The following ANO3 variants were observed in gnomAD, a reference collection of about 807,000 sequenced individuals.
ANO3 encodes anoctamin 3.
A neutral mutation model predicts 144.8 loss-of-function variants in ANO3; 99 were observed. That is an observed-to-expected ratio of 0.68 (90% CI 0.58 to 0.81). The LOEUF is 0.81. Ranked by LOEUF, ANO3 falls within the 30% of genes least tolerant of loss-of-function variation. The pLI is 0.00. For synonymous variants in ANO3, 414 were observed against 392.6 expected (o/e 1.05, Z -0.64); for missense variants, 905 against 1,202.2 (o/e 0.75, Z 3.66).
intron 1 of ANO3, among the ~76,000 whole-genome samples, chr11:26,311,995 C>T (rs893207411): frequency 4.6e-5 from 7 of 152,136 alleles, no homozygotes; most frequent in African/African-American, 7.2e-5. Flanking sequence ...TCTATCCCTC[C>T]GCTCTCCCCC....
At chr11:26,367,814 AG>A (rs1856135534) in intron 1 of ANO3, among the ~76,000 whole-genome samples, 1 of 152,180 alleles carries the variant, frequency 6.6e-6, no homozygotes. Context: ...CACAAGGGGA[AG>A]GGGAAACAGA....
At chr11:26,261,526 C>T (rs1329500450) in intron 1 of ANO3, among the ~76,000 whole-genome samples, 1 of 152,146 alleles carries the variant, frequency 6.6e-6, no homozygotes, top group African/African-American at 2.4e-5. Context: ...AAATTTCCTC[C>T]CTTTCAGAGG....
intron 4 of ANO3, among the ~76,000 whole-genome samples, chr11:26,470,297 A>G (rs568577648): frequency 6.6e-6 from 1 of 151,844 alleles, no homozygotes; most frequent in African/African-American, 2.4e-5. Flanking sequence ...CTGTAGTCCC[A>G]ACTACTCGGG....
chr11:26,564,724 CACACACACATATATAT>C (rs1312866443), intron 14 of ANO3, among the ~76,000 whole-genome samples: 52 of 57,330 alleles, frequency 9.1e-4, no homozygotes, highest in African/African-American at 3.1e-3. Flanking sequence ...CACACACACA[CACACACACATATATAT>C]ATATATATAT....
rs1861750546 is a variant in ANO3, at chr11:26,513,585, C to A, written c.592-3242C>A. On this transcript the variant is annotated intron_variant, in intron 5 of 26. Coordinates refer to ENST00000256737, the MANE Select transcript of ANO3 (RefSeq NM_031418.4). ...TTAGTCACTCTTTCATGTACTCTGG[C>A]AACCAACATGACTAGACTTCAGGAA... Among the ~76,000 whole-genome samples, 3 of 152,112 alleles carry A rather than the reference C, an allele frequency of 2.0e-5. No individual in the cohort carries two copies. The South Asian group carries it at 6.2e-4, about 32-fold the overall frequency.
At chr11:26,426,337 A>G (rs1857918861) in intron 1 of ANO3, among the ~76,000 whole-genome samples, 1 of 152,184 alleles carries the variant, frequency 6.6e-6, no homozygotes, top group Non-Finnish European at 1.5e-5. Context: ...GCATAAGGAA[A>G]TGGACCCCAT....
chr11:26,571,680 T>C (rs1310212546), intron 14 of ANO3, among the ~76,000 whole-genome samples: 1 of 152,186 alleles, frequency 6.6e-6, no homozygotes, highest in Non-Finnish European at 1.5e-5. Context: ...ATATTCATGC[T>C]GCCACTTCCA....
intron 12 of ANO3, among the ~76,000 whole-genome samples, chr11:26,548,040 A>G (rs1284997147): frequency 6.6e-6 from 1 of 151,982 alleles, no homozygotes; most frequent in Non-Finnish European, 1.5e-5. Flanking sequence ...ATGTCTAAAT[A>G]AAACAATTAT....
intron 3 of ANO3, among the ~76,000 whole-genome samples, chr11:26,457,166 G>A (rs1032762512): frequency 6.6e-6 from 1 of 150,838 alleles, no homozygotes; most frequent in Non-Finnish European, 1.5e-5. Context: ...CATGGCACAG[G>A]TATACATGTG....
chr11:26,373,134 C>CT (rs1197616271), intron 1 of ANO3, among the ~76,000 whole-genome samples: 2 of 152,050 alleles, frequency 1.3e-5, no homozygotes, highest in Admixed American at 1.3e-4. Flanking sequence ...GTAAATGATG[C>CT]TTTTTAACAA....
At chr11:26,424,166 A>G (rs533284677) in intron 1 of ANO3, among the ~76,000 whole-genome samples, 1 of 151,286 alleles carries the variant, frequency 6.6e-6, no homozygotes, top group African/African-American at 2.4e-5. Context: ...CTGCAAATAG[A>G]TTTTTTTTAC....
chr11:26,328,630 CA>C (rs1854952300), upstream of ANO3, among the ~76,000 whole-genome samples: 1 of 152,088 alleles, frequency 6.6e-6, no homozygotes, highest in African/African-American at 2.4e-5. Flanking sequence ...CAAATGTTAG[CA>C]GGGGGGCTGC....
intron 1 of ANO3, among the ~76,000 whole-genome samples, chr11:26,219,203 G>A (rs746104113): frequency 6.6e-6 from 1 of 152,122 alleles, no homozygotes; most frequent in Non-Finnish European, 1.5e-5. Flanking sequence ...GGACAAAATT[G>A]CCCTGGGTTG....
chr11:26,210,094 T>A (rs906006576), intron 1 of ANO3, among the ~76,000 whole-genome samples: 1 of 152,216 alleles, frequency 6.6e-6, no homozygotes, highest in African/African-American at 2.4e-5. Flanking sequence ...GACTAGGTTT[T>A]CTGCTATGGT....
intron 1 of ANO3, among the ~76,000 whole-genome samples, chr11:26,432,212 G>A (rs1286259974): frequency 6.6e-6 from 1 of 152,018 alleles, no homozygotes; most frequent in African/African-American, 2.4e-5. Context: ...ATCTTCTCTT[G>A]AAGAGTGTCT....
Position 26,358,333 on chromosome 11 carries a change from G to C in ANO3, c.46+26012G>C, listed in dbSNP as rs190557661. ...ACTAAAGGCACACGCCACCACGCAC[G>C]GCTAATTTTTGTATTTTTAGTAGAG... On this transcript the variant is annotated intron_variant, in intron 1 of 26. Transcript: ENST00000256737. 2.7e-4 allele frequency among the ~76,000 whole-genome samples: 41 copies of C among 152,060 alleles called. No individual in the cohort carries two copies. The East Asian group carries it at 3.9e-3, about 14-fold the overall frequency.
chr11:26,653,789 C>G (rs941483898), intron 24 of ANO3, among the ~76,000 whole-genome samples: 6 of 152,040 alleles, frequency 3.9e-5, no homozygotes, highest in Non-Finnish European at 7.4e-5. Context: ...AAAGTCTACC[C>G]TAAGGACTCT....
intron 1 of ANO3, among the ~76,000 whole-genome samples, chr11:26,431,884 A>T (rs1025395525): frequency 2.6e-5 from 4 of 152,138 alleles, no homozygotes; most frequent in African/African-American, 9.7e-5. Flanking sequence ...ATGTGTCTTT[A>T]TGGTAAAATG....
At chr11:26,635,150 A>C in intron 20 of ANO3, 80 bp downstream of exon 20, 1 of 1,328,494 alleles carries the variant, frequency 7.5e-7, no homozygotes, top group Non-Finnish European at 1.1e-6. Flanking sequence ...AGCTGAAGAA[A>C]GGAGAAGTTC....
Sources: gnomAD v4.1 joint callset for allele counts (sites outside exome capture counted in the v4.1 genomes callset) on GRCh38, gnomAD v4.1.1 for gene constraint, MANE v1.5 for transcripts, NCBI Gene and HGNC (gene_info 2026-07-23, HGNC 2026-07-21) for gene names.